DNMT1: variants seen among roughly 807,000 people sequenced by gnomAD.
DNMT1 encodes the protein DNA methyltransferase 1.
DNMT1 carries 24 observed loss-of-function variants against 205.3 expected under a neutral mutation model. The observed-to-expected ratio is 0.12, with a 90% CI of 0.08 to 0.16. The LOEUF (loss-of-function observed/expected upper bound fraction) is 0.16, where lower values mean the gene tolerates loss of function less well. Ranked by LOEUF, DNMT1 falls within the 10% of genes least tolerant of loss-of-function variation. The probability of loss-of-function intolerance (pLI) is 1.00; values close to 1 mark genes in which losing one functional copy is unlikely to be tolerated. For synonymous variants in DNMT1, 817 were observed against 839.8 expected (o/e 0.97, Z 0.47); for missense variants, 1,293 against 2,177.7 (o/e 0.59, Z 8.09).
chr19:10,140,081 G>A lies in DNMT1; in HGVS notation c.3771C>T (p.Ser1257=). 6.2e-7 allele frequency: 1 copy of A among 1,613,134 alleles called. No homozygotes were observed. The highest frequency in any genetic ancestry group is 8.5e-7 in the Non-Finnish European group (1 of 1,180,032). ...AAACCACCAGAGAGTTTTTGAACTTGGAGTAGGTGCGCGAATTGAAGCGGT... is the reference window on the plus strand; with the variant it reads ...AAACCACCAGAGAGTTTTTGAACTTAGAGTAGGTGCGCGAATTGAAGCGGT... The part of the protein sequence containing the change: ...GMNRFNSRTY[S]KFKNSLVVSF... Residue 1257 remains serine (S), a synonymous_variant, in exon 33 of 41, where the codon TCC becomes TCT. Transcript: ENST00000359526. This position sits in a 1 kb window ranked among gnomAD's most constrained non-coding sequence, Gnocchi z 8.4.
At chr19:10,135,927 G>T (rs889446216) in intron 38 of DNMT1, 75 bp from the exon 39 acceptor site, 5 of 1,509,700 alleles carry the variant, frequency 3.3e-6, no homozygotes, top group Non-Finnish European at 3.6e-6. Flanking sequence ...GGAGGGAAAT[G>T]GCACTGTGAC....
chr19:10,166,645 C>A lies in DNMT1; in HGVS notation c.844G>T (p.Ala282Ser), dbSNP rs1436304759. Reference sequence around the variant, plus strand: ...TCGTCAGCCTGCACGCCTGCCCTGGCTTCTCTGTCCGGCTCCTCCTTCAGT... The same window carrying A: ...TCGTCAGCCTGCACGCCTGCCCTGGATTCTCTGTCCGGCTCCTCCTTCAGT... ...QKLKEEPDRE[A>S]RAGVQADEDE... The change falls in exon 11 of 41, where the codon GCC becomes TCC. Residue 282 changes from alanine (A) to serine (S), a missense_variant. By Grantham distance (99) the Ala-to-Ser change is moderately conservative (BLOSUM62 1). Transcript: ENST00000359526. 2 of 1,614,220 alleles carry A rather than the reference C, an allele frequency of 1.2e-6. No individual in the cohort carries two copies. The highest frequency in any genetic ancestry group is 2.2e-5 in the East Asian group (1 of 44,886).
chr19:10,187,087 G>C (rs549922676), intron 1 of DNMT1, among the ~76,000 whole-genome samples: 4 of 151,876 alleles, frequency 2.6e-5, no homozygotes, highest in African/African-American at 9.7e-5. Flanking sequence ...CCTCCAGAGA[G>C]GTGGCTGGGG....
At chr19:10,175,651 A>T in intron 6 of DNMT1, 33 bp from the exon 7 acceptor site, 1 of 1,611,246 alleles carries the variant, frequency 6.2e-7, no homozygotes, top group South Asian at 1.1e-5. Context: ...CCATTAGTGG[A>T]ACAAGACCCT....
In DNMT1 at chr19:10,154,285, G is replaced by A; in HGVS notation, c.2019+8C>T. On this transcript the variant is annotated splice_region_variant and intron_variant, in intron 22 of 40. Coordinates refer to ENST00000359526, the MANE Select transcript of DNMT1 (RefSeq NM_001130823.3). The surrounding 1 kb of genome is among the most constrained non-coding windows in gnomAD (Gnocchi z 6.3). ...TAGGGGAGCGGGAGCACCCACAGGT[G>A]AGGTTACCTCACAGACGCCACATCG... 6.2e-7 allele frequency: 1 copy of A among 1,614,022 alleles called. No individual in the cohort carries two copies.
Position 10,180,446 on chromosome 19 carries a change from C to T in DNMT1, c.349G>A (p.Ala117Thr). ...LENGNQARSE[A>T]RRVGMADANS... is the part of the protein sequence containing the mutation. ...GCATCTGCCATTCCCACTCTACGGG[C>T]TTCACTTCTTGCTTGGTTCCCGTTT... The change falls in exon 4 of 41, where the codon GCC (alanine) becomes ACC (threonine). Residue 117 changes from alanine (A) to threonine (T), a missense_variant. By Grantham distance (58) the Ala-to-Thr change is moderately conservative. Around this residue, in one of 13 missense-constraint regions of DNMT1, gnomAD observed 394 missense variants for 451.6 expected, o/e 0.87. Transcript: ENST00000359526. 1 of 1,614,150 alleles carries T rather than the reference C, an allele frequency of 6.2e-7. No individual in the cohort carries two copies. Among genetic ancestry groups the T allele is most frequent in the Non-Finnish European group, 8.5e-7 (1 of 1,180,036 alleles).
intron 1 of DNMT1, among the ~76,000 whole-genome samples, chr19:10,183,037 GTA>G (rs917276702): frequency 2.3e-4 from 32 of 139,458 alleles, no homozygotes; most frequent in South Asian, 1.6e-3. Flanking sequence ...GTATATATAC[GTA>G]TATATGTGTA....
intron 5 of DNMT1, among the ~76,000 whole-genome samples, chr19:10,178,843 G>A (rs1411684339): frequency 6.9e-6 from 1 of 144,526 alleles, no homozygotes; most frequent in East Asian, 2.2e-4. Flanking sequence ...AATTCCAGAA[G>A]AGGCTGGGCG....
At chr19:10,193,538 A>G (rs2039342088) in intron 1 of DNMT1, among the ~76,000 whole-genome samples, 1 of 151,402 alleles carries the variant, frequency 6.6e-6, no homozygotes, top group Non-Finnish European at 1.5e-5. Context: ...TAATTTTTGT[A>G]TTTTTAGTAG....
chr19:10,179,718 G>A (rs1345627177), intron 5 of DNMT1, among the ~76,000 whole-genome samples: 3 of 151,996 alleles, frequency 2.0e-5, no homozygotes, highest in Middle Eastern at 3.2e-3. Flanking sequence ...GGCCGGGCAC[G>A]GTGGCTCACA....
chr19:10,194,682 T>C (rs533664625), intron 1 of DNMT1, 138 bp downstream of exon 1: 5 of 1,241,426 alleles, frequency 4.0e-6, no homozygotes, highest in Non-Finnish European at 5.3e-6. Flanking sequence ...CCGCGCCAAC[T>C]GCCGCTGCGC....
chr19:10,193,665 C>CAAAAAAAAA (rs35583463), intron 1 of DNMT1, among the ~76,000 whole-genome samples: 1 of 106,110 alleles, frequency 9.4e-6, no homozygotes. Flanking sequence ...ACCCAGCCTT[C>CAAAAAAAAA]AAAAAAAAAA....
chr19:10,135,334 G>A (rs1306614530), intron 39 of DNMT1: 1 of 259,354 alleles, frequency 3.9e-6, no homozygotes, highest in South Asian at 4.7e-5. Flanking sequence ...CGTGCCCTAT[G>A]ATGAAAATAC....
intron 19 of DNMT1, 145 bp from the exon 20 acceptor site, chr19:10,155,201 C>A: frequency 8.8e-7 from 1 of 1,140,020 alleles, no homozygotes; most frequent in Non-Finnish European, 1.2e-6. Context: ...GGGCACAACA[C>A]ATCATAGCTG....
chr19:10,194,731 GCGGCCAC>G (rs1431512862), intron 1 of DNMT1, 82 bp downstream of exon 1: 1 of 1,478,696 alleles, frequency 6.8e-7, no homozygotes, highest in Non-Finnish European at 9.0e-7. Context: ...TCTGTCAGCA[GCGGCCAC>G]CGGCCACCCC....
intron 11 of DNMT1, among the ~76,000 whole-genome samples, chr19:10,164,792 G>A (rs1047108966): frequency 2.6e-5 from 4 of 151,396 alleles, no homozygotes; most frequent in Non-Finnish European, 2.9e-5. Context: ...GCTAGGCATA[G>A]TAGCACACGC....
intron 13 of DNMT1, 39 bp downstream of exon 13, chr19:10,162,620 GAAAAAAAA>G (rs573823039): frequency 1.8e-5 from 24 of 1,316,526 alleles, no homozygotes; most frequent in South Asian, 4.0e-5. Context: ...CCGTCTTGGG[GAAAAAAAA>G]AAAAAAAAAA....
intron 37 of DNMT1, 104 bp from the exon 38 acceptor site, chr19:10,136,391 A>G: frequency 6.7e-7 from 1 of 1,499,818 alleles, no homozygotes; most frequent in Non-Finnish European, 9.1e-7. Flanking sequence ...CTCCTGTGCA[A>G]GGGGCCCCCT....
At chr19:10,157,583 C>T (rs936914867) in intron 17 of DNMT1, among the ~76,000 whole-genome samples, 1 of 152,188 alleles carries the variant, frequency 6.6e-6, no homozygotes, top group Non-Finnish European at 1.5e-5. Flanking sequence ...ATCCTCAGAG[C>T]CCCCATATGA....
Sources: allele counts gnomAD v4.1 joint callset (sites outside exome capture counted in the v4.1 genomes callset), GRCh38; gene constraint gnomAD v4.1.1; regional missense constraint gnomAD v4.1.1; non-coding constraint Gnocchi (gnomAD v3.1); transcripts MANE v1.5; gene names NCBI Gene and HGNC (gene_info 2026-07-23, HGNC 2026-07-21).